The following GAS2 variants were observed in gnomAD, a reference collection of about 807,000 sequenced individuals.
GAS2 encodes growth arrest-specific protein 2.
GAS2 carries 20 observed loss-of-function variants against 37.5 expected under a neutral mutation model. The observed-to-expected ratio is 0.53, with a 90% confidence interval of 0.37 to 0.77. The LOEUF (loss-of-function observed/expected upper bound fraction) is 0.77, where lower values mean the gene tolerates loss of function less well. Among genes scored for constraint, GAS2 ranks in the 30% least tolerant of loss-of-function variants. The pLI is 0.00. For synonymous variants in GAS2, 144 were observed against 132.2 expected, an observed-to-expected ratio of 1.09 and a Z score of -0.61; for missense variants, 336 against 373.4, an observed-to-expected ratio of 0.90 and a Z score of 0.82.
rs1021564153 is a variant in GAS2, at chr11:22,647,220, A to G, written c.-21+21407A>G. On this transcript the variant is annotated intron_variant, in intron 1 of 5. Coordinates refer to the GAS2 transcript ENST00000528582. ...AGTTTACTGAGAATGATGATTTCCA[A>G]TTTCATCCATGTCCCTACAAAGGAC... 1.7e-4 allele frequency among the ~76,000 whole-genome samples: 26 copies of G among 151,284 alleles called. 1 individual carries two copies. Among genetic ancestry groups the G allele is most frequent in the Admixed American group, 1.6e-3 (24 of 15,174 alleles).
intron 5 of GAS2, among the ~76,000 whole-genome samples, chr11:22,742,521 G>C (rs548846473): frequency 6.6e-6 from 1 of 152,114 alleles, no homozygotes; most frequent in Non-Finnish European, 1.5e-5. Flanking sequence ...CAGGAAGCCA[G>C]TGAATCGTAT....
At chr11:22,746,332 T>C (rs955494613) in intron 5 of GAS2, among the ~76,000 whole-genome samples, 1 of 152,116 alleles carries the variant, frequency 6.6e-6, no homozygotes, top group Non-Finnish European at 1.5e-5. Context: ...TGAGAACCAC[T>C]ATTCAACCCA....
intron 6 of GAS2, among the ~76,000 whole-genome samples, chr11:22,754,206 CCT>C (rs1292191321): frequency 6.6e-6 from 1 of 151,942 alleles, no homozygotes; most frequent in African/African-American, 2.4e-5. Flanking sequence ...CTAATTTCCC[CCT>C]GTGACCTGTA....
At position 22,812,284 on chromosome 11, in the gene GAS2, A is replaced by T; in HGVS notation, c.*268A>T. ...CTCAATATGCGAACACAGTATTTAG[A>T]ACACAATATTAGAAACACAATTCTA... On this transcript the variant is annotated 3_prime_UTR_variant, in exon 8 of 8. Transcript: ENST00000454584. 2.8e-6 allele frequency: 1 copy of T among 354,902 alleles called. No individual in the cohort carries two copies. The highest frequency in any genetic ancestry group is 2.1e-5 in the African/African-American group (1 of 47,916). The allele number at this position is 354,902 out of a possible 1,614,324, so 22.0% of individuals were successfully genotyped here. A position where few individuals can be genotyped will look rare whatever the true frequency, so the allele number is the denominator to read the frequency against.
intron 1 of GAS2, among the ~76,000 whole-genome samples, chr11:22,636,615 A>G (rs1420166013): frequency 6.6e-6 from 1 of 152,120 alleles, no homozygotes; most frequent in African/African-American, 2.4e-5. Context: ...AACATTCTCT[A>G]ATGACAGAAA....
At chr11:22,753,282 T>C (rs1853847480) in intron 6 of GAS2, among the ~76,000 whole-genome samples, 1 of 152,068 alleles carries the variant, frequency 6.6e-6, no homozygotes, top group Non-Finnish European at 1.5e-5. Context: ...CTGGCCACAG[T>C]CTGGCCTTGT....
chr11:22,776,830 G>A (rs577711046), intron 7 of GAS2, among the ~76,000 whole-genome samples: 1 of 152,228 alleles, frequency 6.6e-6, no homozygotes, highest in African/African-American at 2.4e-5. Flanking sequence ...ACTTAGCCTT[G>A]AGAAAATGTA....
At chr11:22,779,603 C>A (rs984298082) in intron 7 of GAS2, among the ~76,000 whole-genome samples, 1 of 151,952 alleles carries the variant, frequency 6.6e-6, no homozygotes, top group East Asian at 1.9e-4. Context: ...GAGGCTGAGA[C>A]AGGAAAATTG....
chr11:22,694,047 A>C (rs983078592), intron 3 of GAS2, among the ~76,000 whole-genome samples: 32 of 152,178 alleles, frequency 2.1e-4, no homozygotes, highest in African/African-American at 7.0e-4. Flanking sequence ...AGGATCAGGA[A>C]AAATAACTAA....
chr11:22,649,896 G>GT (rs1257491524), intron 1 of GAS2, among the ~76,000 whole-genome samples: 2 of 151,790 alleles, frequency 1.3e-5, no homozygotes, highest in South Asian at 4.2e-4. Flanking sequence ...TTTTTGAAGG[G>GT]TTTTTTGTGT....
Position 22,653,396 on chromosome 11 carries a change from G to T in GAS2, c.-20-21454G>T, listed in dbSNP as rs368676565. Among the ~76,000 whole-genome samples, 5 of 152,118 alleles carry T rather than the reference G, an allele frequency of 3.3e-5. No homozygotes were observed. In the South Asian group the frequency reaches 6.2e-4, roughly 19 times the overall value. ...ATGAAATGTTTGCCAGGCACCTAGC[G>T]CAGTGACTAGTACATTTTCTATGTA... On this transcript the variant is annotated intron_variant, in intron 1 of 5. Transcript: ENST00000528582.
At chr11:22,643,167 T>TTA (rs1279886824) in intron 1 of GAS2, among the ~76,000 whole-genome samples, 1 of 152,052 alleles carries the variant, frequency 6.6e-6, no homozygotes, top group African/African-American at 2.4e-5. Flanking sequence ...TTCATGAGCT[T>TTA]TAAAGGCAGA....
chr11:22,724,274 A>G (rs991687430), intron 3 of GAS2, among the ~76,000 whole-genome samples: 1 of 151,952 alleles, frequency 6.6e-6, no homozygotes, highest in Non-Finnish European at 1.5e-5. Context: ...GGTTCAATAC[A>G]TGTACATGTG....
chr11:22,700,464 A>G (rs1850776404), intron 3 of GAS2, among the ~76,000 whole-genome samples: 1 of 152,180 alleles, frequency 6.6e-6, no homozygotes, highest in Non-Finnish European at 1.5e-5. Context: ...AGATTTGAGA[A>G]TTTTAGAATG....
At chr11:22,690,991 C>A (rs1318476607) in intron 3 of GAS2, among the ~76,000 whole-genome samples, 1 of 152,122 alleles carries the variant, frequency 6.6e-6, no homozygotes, top group African/African-American at 2.4e-5. Flanking sequence ...TACTAACTTT[C>A]CTTTGCATTT....
chr11:22,797,012 G>A (rs1856458832), intron 7 of GAS2, among the ~76,000 whole-genome samples: 1 of 152,006 alleles, frequency 6.6e-6, no homozygotes, highest in East Asian at 1.9e-4. Flanking sequence ...CTATCTCATT[G>A]CTTTCACTAT....
At chr11:22,743,699 A>G (rs1853220064) in intron 5 of GAS2, among the ~76,000 whole-genome samples, 1 of 152,042 alleles carries the variant, frequency 6.6e-6, no homozygotes, top group Admixed American at 6.6e-5. Context: ...ATCGAAGTTA[A>G]GTGATTTGTG....
intron 7 of GAS2, among the ~76,000 whole-genome samples, chr11:22,770,547 C>T (rs1339066514): frequency 1.3e-5 from 2 of 152,116 alleles, no homozygotes; most frequent in African/African-American, 4.8e-5. Context: ...ATATGTTTCT[C>T]TTGTAGAATT....
At chr11:22,637,829 A>G (rs1274429672) in intron 1 of GAS2, among the ~76,000 whole-genome samples, 1 of 148,760 alleles carries the variant, frequency 6.7e-6, no homozygotes, top group African/African-American at 2.5e-5. Flanking sequence ...TTTTATATAT[A>G]TTTGAAGCCC....
Sources: allele counts gnomAD v4.1 joint callset (sites outside exome capture counted in the v4.1 genomes callset), GRCh38; gene constraint gnomAD v4.1.1; transcripts MANE v1.5; gene names NCBI Gene and HGNC (gene_info 2026-07-23, HGNC 2026-07-21).